SLC6A4: variants seen among roughly 807,000 people sequenced by gnomAD.
SLC6A4 encodes solute carrier family 6 member 4.
A neutral mutation model predicts 73.4 loss-of-function variants in SLC6A4; 22 were observed. The observed-to-expected ratio is 0.30, with a 90% CI of 0.21 to 0.43. The LOEUF (loss-of-function observed/expected upper bound fraction) is 0.43. SLC6A4 is among the 20% of genes least tolerant of loss of function. The probability of loss-of-function intolerance (pLI) is 1.00; values close to 1 mark genes in which losing one functional copy is unlikely to be tolerated. For synonymous variants in SLC6A4, 270 were observed against 315.5 expected, an observed-to-expected ratio of 0.86 and a Z score of 1.53; for missense variants, 593 against 808.5, an observed-to-expected ratio of 0.73 and a Z score of 3.23.
intron 1 of SLC6A4, among the ~76,000 whole-genome samples, chr17:30,231,793 A>G (rs1907123582): frequency 6.6e-6 from 1 of 152,150 alleles, no homozygotes; most frequent in African/African-American, 2.4e-5. Context: ...TCTCCCCTCC[A>G]GGCTCTTCCC....
intron 11 of SLC6A4, among the ~76,000 whole-genome samples, chr17:30,209,643 CAAAA>C (rs113621056): frequency 3.5e-5 from 2 of 57,610 alleles, no homozygotes. Context: ...AGACTCTGTC[CAAAA>C]AAAAAAAAAA....
rs55943458 is a variant in SLC6A4, at chr17:30,220,224, C to T, written c.344-1293G>A. 5.3e-5 allele frequency among the ~76,000 whole-genome samples: 8 copies of T among 152,292 alleles called. No individual in the cohort carries two copies. The East Asian group carries it at 1.3e-3, about 26-fold the overall frequency. On this transcript the variant is annotated intron_variant, in intron 3 of 14. Coordinates refer to ENST00000650711, the MANE Select transcript of SLC6A4 (RefSeq NM_001045.6). ...GAGGGTGACACAAATGGATGATCCC[C>T]AAACCTCTTTGTAGCTGCCCTCCCA...
At position 30,203,267 on chromosome 17, in the gene SLC6A4, T is replaced by C; in HGVS notation, c.1723A>G (p.Ile575Val). 8 of 1,613,872 alleles carry C rather than the reference T, an allele frequency of 5.0e-6. No homozygotes were observed. The highest frequency in any genetic ancestry group is 6.8e-6 in the Non-Finnish European group (8 of 1,179,746). ...GTTCCTATGCAGTAACCCAAGATGA[T>C]ACTCCAGTAAGGATAATTATATTGG... ...LFQYNYPYWS[I>V]ILGYCIGTSS... The change falls in exon 14 of 15, where the codon ATC becomes GTC. Residue 575 changes from isoleucine to valine, a missense_variant. Physicochemically the swap from Ile to Val is conservative, Grantham distance 29. Transcript: ENST00000650711.
chr17:30,221,980 CT>C lies in SLC6A4; in HGVS notation c.-23del. The C allele has an allele frequency of 6.2e-7, 1 of 1,613,948 alleles. No homozygotes were observed. ...CCATCCTGCTGGTTAGTAAATGACA[CT>C]GATGTCCATCTGCCAAGGATCCCAA... On this transcript the variant is annotated 5_prime_UTR_variant, in exon 3 of 15. An upstream open reading frame in the 5' UTR gains an earlier in-frame stop. Transcript: ENST00000650711.
chr17:30,202,082 A>T (rs1906054875), intron 14 of SLC6A4, among the ~76,000 whole-genome samples: 1 of 152,046 alleles, frequency 6.6e-6, no homozygotes, highest in Non-Finnish European at 1.5e-5. Flanking sequence ...ACAGAGTGAG[A>T]CCTTGTCTGA....
intron 14 of SLC6A4, among the ~76,000 whole-genome samples, chr17:30,200,412 C>T (rs1397296062): frequency 2.0e-5 from 3 of 152,210 alleles, no homozygotes; most frequent in Admixed American, 6.5e-5. Flanking sequence ...GACCATTTTC[C>T]AGTATCTTTG....
At chr17:30,201,459 G>A (rs1906034406) in intron 14 of SLC6A4, among the ~76,000 whole-genome samples, 1 of 152,132 alleles carries the variant, frequency 6.6e-6, no homozygotes, top group African/African-American at 2.4e-5. Context: ...TGGCCAACTG[G>A]GGGAATTTGT....
At chr17:30,214,160 C>T (rs543947491) in intron 8 of SLC6A4, among the ~76,000 whole-genome samples, 9 of 152,136 alleles carry the variant, frequency 5.9e-5, no homozygotes, top group African/African-American at 1.2e-4. Flanking sequence ...CAGTGGCTCA[C>T]GCCTGTAATC....
At chr17:30,215,524 G>T in intron 8 of SLC6A4, 87 bp downstream of exon 8, 1 of 1,094,092 alleles carries the variant, frequency 9.1e-7, no homozygotes, top group Non-Finnish European at 1.4e-6. Context: ...CCAGATTCGA[G>T]GCCGTCGGTC....
At chr17:30,200,818 G>T (rs186487060) in intron 14 of SLC6A4, among the ~76,000 whole-genome samples, 1 of 152,112 alleles carries the variant, frequency 6.6e-6, no homozygotes, top group East Asian at 1.9e-4. Flanking sequence ...TCGCTCTGTT[G>T]CCCAGGGTGG....
intron 2 of SLC6A4, 118 bp downstream of exon 2, chr17:30,222,701 A>G (rs1906805824): frequency 2.4e-6 from 2 of 830,808 alleles, no homozygotes; most frequent in Non-Finnish European, 3.6e-6. Flanking sequence ...GCCCCTAGGA[A>G]GGTTGGGGCA....
chr17:30,204,786 A>G (rs1166020057), intron 13 of SLC6A4, among the ~76,000 whole-genome samples: 1 of 152,192 alleles, frequency 6.6e-6, no homozygotes. Context: ...TCTCTCAGGC[A>G]CTAGGGCACT....
intron 10 of SLC6A4, among the ~76,000 whole-genome samples, chr17:30,210,854 A>C (rs963675831): frequency 6.6e-6 from 1 of 152,202 alleles, no homozygotes; most frequent in African/African-American, 2.4e-5. Context: ...AAGGAGAGCC[A>C]GGAAACAAAA....
chr17:30,203,674 G>A (rs1342990454), intron 13 of SLC6A4: 1 of 249,876 alleles, frequency 4.0e-6, no homozygotes, highest in Non-Finnish European at 7.8e-6. Flanking sequence ...CAAAGAGACT[G>A]GCAACCTTGA....
chr17:30,225,090 C>T (rs534818123), intron 1 of SLC6A4, among the ~76,000 whole-genome samples: 13 of 152,242 alleles, frequency 8.5e-5, no homozygotes, highest in East Asian at 3.9e-4. Flanking sequence ...AACTCATGAC[C>T]GGGCAGCCTC....
Position 30,194,333 on chromosome 17 carries a change from C to A in SLC6A4, c.*4123G>T, listed in dbSNP as rs1905786202. On this transcript the variant is annotated 3_prime_UTR_variant, in exon 15 of 15. Coordinates refer to ENST00000650711, the MANE Select transcript of SLC6A4 (RefSeq NM_001045.6). ...TACAGTAACAGTTCACAGCATAAAT[C>A]ATTTATTAATATCTCACAATCTAAC... The A allele has an allele frequency of 6.6e-6, 1 of 151,802 alleles. No individual in the cohort carries two copies. Among genetic ancestry groups the A allele is most frequent in the South Asian group, 2.1e-4 (1 of 4,814 alleles). 9.4% of individuals were successfully genotyped at this position (151,802 alleles called of 1,614,324 possible).
chr17:30,204,756 A>G (rs1906138123), intron 13 of SLC6A4, among the ~76,000 whole-genome samples: 1 of 152,208 alleles, frequency 6.6e-6, no homozygotes, highest in South Asian at 2.1e-4. Flanking sequence ...GTGAACGTAG[A>G]AGTGGAAGAC....
intron 1 of SLC6A4, among the ~76,000 whole-genome samples, chr17:30,231,887 C>T (rs1907125815): frequency 6.6e-6 from 1 of 152,062 alleles, no homozygotes; most frequent in Non-Finnish European, 1.5e-5. Context: ...AGAAGACATG[C>T]CCATCATTAC....
intron 14 of SLC6A4, among the ~76,000 whole-genome samples, chr17:30,202,135 C>T (rs566955127): frequency 6.6e-6 from 1 of 152,262 alleles, no homozygotes; most frequent in South Asian, 2.1e-4. Flanking sequence ...TGTTCTCTTG[C>T]TTCTCATTTC....
Sources: allele counts gnomAD v4.1 joint callset (sites outside exome capture counted in the v4.1 genomes callset), GRCh38; gene constraint gnomAD v4.1.1; transcripts MANE v1.5; gene names NCBI Gene and HGNC (gene_info 2026-07-23, HGNC 2026-07-21).